The following DNAAF5 variants were observed in gnomAD, a reference collection of about 807,000 sequenced individuals.
DNAAF5 encodes dynein axonemal assembly factor 5, also known as HEAT repeat containing 2.
Under a neutral mutation model 75.8 loss-of-function variants are expected in DNAAF5, and 64 were observed. The observed-to-expected ratio is 0.84, with a 90% CI of 0.69 to 1.04. DNAAF5 has a LOEUF of 1.04. DNAAF5 is among the 50% of genes least tolerant of loss of function. DNAAF5 has a pLI of 0.00. For missense variants in DNAAF5, 1,269 were observed against 1,178.5 expected, an observed-to-expected ratio of 1.08 and a Z score of -1.12; for synonymous variants, 657 against 557.2, an observed-to-expected ratio of 1.18 and a Z score of -2.52.
intron 8 of DNAAF5, among the ~76,000 whole-genome samples, chr7:770,170 T>C (rs1778506608): frequency 6.6e-6 from 1 of 152,182 alleles, no homozygotes; most frequent in Admixed American, 6.5e-5. Flanking sequence ...CAGGCTGGTC[T>C]CAAACTCTGG....
chr7:734,158 C>T (rs1410038464), intron 2 of DNAAF5, among the ~76,000 whole-genome samples: 2 of 152,198 alleles, frequency 1.3e-5, no homozygotes, highest in East Asian at 1.9e-4. Flanking sequence ...GTGGTGAAAG[C>T]GAGCATCCTT....
intron 9 of DNAAF5, among the ~76,000 whole-genome samples, chr7:773,765 T>G (rs1452264467): frequency 6.6e-6 from 1 of 152,082 alleles, no homozygotes; most frequent in Non-Finnish European, 1.5e-5. Flanking sequence ...AAGTGCACCC[T>G]CGGCCCAGGG....
Position 774,417 on chromosome 7 carries a change from C to T in DNAAF5, c.2082+219C>T, listed in dbSNP as rs575574756. On this transcript the variant is annotated intron_variant, in intron 10 of 12. Transcript: ENST00000297440. ...GCAGGCGGGAGAGCGGGAGCCAGGC[C>T]GCGGGCCCAGCCAGCCCGGTCGTGC... Among the ~76,000 whole-genome samples, 364 of 152,304 alleles carry T rather than the reference C, an allele frequency of 2.4e-3. 1 individual carries two copies. The highest frequency in any genetic ancestry group is 8.4e-3 in the African/African-American group (348 of 41,566).
chr7:735,643 T>A (rs1165088654), intron 2 of DNAAF5, among the ~76,000 whole-genome samples: 1 of 152,272 alleles, frequency 6.6e-6, no homozygotes, highest in Non-Finnish European at 1.5e-5. Flanking sequence ...TTGTTTGTAA[T>A]GTCCTCTTCG....
intron 8 of DNAAF5, chr7:769,182 C>A (rs757444006): frequency 7.7e-6 from 6 of 774,430 alleles, no homozygotes; most frequent in South Asian, 1.4e-5. Context: ...GCTCACATCG[C>A]GAGGTCCCCA....
chr7:730,272 G>C (rs897081033), intron 2 of DNAAF5, among the ~76,000 whole-genome samples: 1 of 152,012 alleles, frequency 6.6e-6, no homozygotes, highest in Non-Finnish European at 1.5e-5. Flanking sequence ...ACCAAGAGAC[G>C]GGCAGGCAGG....
At chr7:783,528 G>A (rs1187687531) in intron 12 of DNAAF5, among the ~76,000 whole-genome samples, 1 of 152,198 alleles carries the variant, frequency 6.6e-6, no homozygotes, top group Non-Finnish European at 1.5e-5. Flanking sequence ...GCCTTGAGTC[G>A]TGGAATCAGG....
At chr7:728,780 C>T (rs1781456278) in intron 1 of DNAAF5, among the ~76,000 whole-genome samples, 1 of 152,126 alleles carries the variant, frequency 6.6e-6, no homozygotes, top group African/African-American at 2.4e-5. Context: ...GGGACTGTGC[C>T]TCTGCCTGGA....
At chr7:761,721 C>G (rs774794165) in intron 6 of DNAAF5, 32 bp from the exon 7 acceptor site, 6 of 1,573,342 alleles carry the variant, frequency 3.8e-6, no homozygotes, top group Middle Eastern at 2.0e-4. Flanking sequence ...CAAATTGTAC[C>G]AAGCTCTGAC....
At chr7:743,645 T>TC (rs1243826903) in intron 4 of DNAAF5, among the ~76,000 whole-genome samples, 4 of 148,226 alleles carry the variant, frequency 2.7e-5, no homozygotes, top group Non-Finnish European at 6.0e-5. Context: ...GCTCGATCTT[T>TC]TTTTTTTTTT....
intron 9 of DNAAF5, chr7:772,880 C>T (rs912169149): frequency 6.6e-6 from 1 of 151,112 alleles, no homozygotes; most frequent in East Asian, 1.9e-4. Context: ...TTCAGTGGTT[C>T]GATGGTGGTT....
In DNAAF5 at chr7:754,635, C is replaced by T; in HGVS notation, c.1071C>T (p.Leu357=). Residue 357 remains leucine, a synonymous_variant, in exon 5 of 13, where the codon CTC becomes CTT. Coordinates refer to ENST00000297440, the MANE Select transcript of DNAAF5 (RefSeq NM_017802.4). This position sits in a 1 kb window ranked among gnomAD's most constrained non-coding sequence, Gnocchi z 4.8. The part of the protein sequence containing the change: ...LGCRELVFRN[L]SKILPALCHD... ...GCCGGGAGCTCGTCTTCAGGAACCT[C>T]TCCAAGATCCTCCCTGCCCTGTGCC... 1.9e-6 allele frequency: 3 copies of T among 1,614,172 alleles called. No individual in the cohort carries two copies. Among genetic ancestry groups the T allele is most frequent in the Non-Finnish European group, 2.5e-6 (3 of 1,180,024 alleles).
At chr7:781,701 A>C (rs1778951327) in intron 12 of DNAAF5, among the ~76,000 whole-genome samples, 1 of 152,098 alleles carries the variant, frequency 6.6e-6, no homozygotes, top group African/African-American at 2.4e-5. Flanking sequence ...CTGGGGTCAG[A>C]GGATGTCTCA....
intron 1 of DNAAF5, chr7:727,561 C>G: frequency 3.7e-6 from 1 of 268,496 alleles, no homozygotes; most frequent in Non-Finnish European, 6.9e-6. Flanking sequence ...CGCCCTTCAG[C>G]TGCTCCCTTG....
In DNAAF5 at chr7:769,006, C is replaced by T. The variant is rs1778457291; in HGVS notation, c.1784-1465C>T. On this transcript the variant is annotated intron_variant, in intron 8 of 12. Transcript: ENST00000297440. ...CAGCTTCGGTGCAACGCCTCCTGCC[C>T]GGCTGCGTGGGGAGGCCCTCCAAGA... 22 of 609,362 alleles carry T rather than the reference C, an allele frequency of 3.6e-5. 2 individuals are homozygous for T. The South Asian group carries it at 3.7e-4, about 10-fold the overall frequency. 37.7% of individuals were successfully genotyped at this position (609,362 alleles called of 1,614,324 possible).
intron 1 of DNAAF5, among the ~76,000 whole-genome samples, chr7:728,878 G>T (rs1345496543): frequency 2.0e-5 from 3 of 152,336 alleles, no homozygotes; most frequent in South Asian, 4.1e-4. Context: ...GGCAACGGCA[G>T]AGAGGTTGAG....
chr7:778,136 T>C (rs925715041), intron 11 of DNAAF5: 1 of 152,212 alleles, frequency 6.6e-6, no homozygotes, highest in African/African-American at 2.4e-5. Flanking sequence ...TTTTATTCTT[T>C]AGTAACAAAC....
chr7:774,308 C>A, intron 10 of DNAAF5, 110 bp downstream of exon 10: 2 of 1,150,404 alleles, frequency 1.7e-6, no homozygotes, highest in Non-Finnish European at 2.4e-6. Flanking sequence ...AGCTGCACCT[C>A]CACCTGGGGC....
chr7:752,531 G>A (rs77213311), intron 4 of DNAAF5, among the ~76,000 whole-genome samples: 14 of 38,570 alleles, frequency 3.6e-4, no homozygotes, highest in East Asian at 7.2e-4. Flanking sequence ...GCCGGGCCAC[G>A]CTTCCCTGGG....
Sources: allele counts gnomAD v4.1 joint callset (sites outside exome capture counted in the v4.1 genomes callset), GRCh38; gene constraint gnomAD v4.1.1; non-coding constraint Gnocchi (gnomAD v3.1); transcripts MANE v1.5; gene names NCBI Gene and HGNC (gene_info 2026-07-23, HGNC 2026-07-21).